Variants in DLEC1 observed in about 807,000 individuals in gnomAD.
DLEC1 encodes the protein deleted in lung and esophageal cancer protein 1.
In DLEC1, 146 loss-of-function variants were observed where a neutral mutation model predicts 198.1. The observed-to-expected ratio is 0.74, with a 90% CI of 0.64 to 0.85. The LOEUF (loss-of-function observed/expected upper bound fraction) is 0.85, where lower values mean the gene tolerates loss of function less well. Ranked by LOEUF, DLEC1 falls within the 40% of genes least tolerant of loss-of-function variation. The pLI is 0.00. For missense variants in DLEC1, 2,233 were observed against 2,220.0 expected (o/e 1.01, Z -0.12); for synonymous variants, 897 against 866.8 (o/e 1.03, Z -0.61).
chr3:38,116,411 C>T, intron 27 of DLEC1, 42 bp from the exon 28 acceptor site: 3 of 1,608,960 alleles, frequency 1.9e-6, no homozygotes, highest in Non-Finnish European at 2.6e-6. Context: ...GGGTTGTCTG[C>T]TCCTCCCTTA....
chr3:38,052,459 G>C (rs1701168943), intron 2 of DLEC1: 1 of 208,586 alleles, frequency 4.8e-6, no homozygotes, highest in Non-Finnish European at 1.0e-5. Flanking sequence ...AAACGAAGAG[G>C]GAGCTGAAAC....
At chr3:38,066,114 A>G (rs1161924426) in intron 6 of DLEC1, among the ~76,000 whole-genome samples, 1 of 152,240 alleles carries the variant, frequency 6.6e-6, no homozygotes, top group African/African-American at 2.4e-5. Flanking sequence ...ATCAGGAGGA[A>G]GCATGGGATC....
Position 38,084,165 on chromosome 3 carries a change from T to C in DLEC1, c.1181T>C (p.Ile394Thr). The change falls in exon 7 of 37, where the codon ATT becomes ACT. Residue 394 changes from isoleucine (I) to threonine (T), a missense_variant. Ile to Thr is a moderately conservative substitution (Grantham distance 89). Transcript: ENST00000308059. ...YEIGPVYEMV[I>T]ALQNTTTTSR... ...CATCTTACCTTTCAACAGATGGTAA[T>C]TGCGCTGCAGAACACCACCACGACC... The C allele has an allele frequency of 3.1e-6, 5 of 1,612,972 alleles. No homozygotes were observed. Among genetic ancestry groups the C allele is most frequent in the Non-Finnish European group, 3.4e-6 (4 of 1,179,158 alleles).
chr3:38,100,871 A>G (rs144282989), intron 19 of DLEC1, among the ~76,000 whole-genome samples: 44 of 152,334 alleles, frequency 2.9e-4, no homozygotes, highest in African/African-American at 9.1e-4. Context: ...AAAGTGTGAC[A>G]TATTTAAATA....
chr3:38,097,316 G>T (rs751561802), intron 16 of DLEC1, 41 bp downstream of exon 16: 2 of 1,553,792 alleles, frequency 1.3e-6, no homozygotes, highest in African/African-American at 2.7e-5. Context: ...CCTGCCTGGG[G>T]CTGGCTCAGG....
intron 31 of DLEC1, 78 bp from the exon 32 acceptor site, chr3:38,117,449 A>C: frequency 6.2e-7 from 1 of 1,606,560 alleles, no homozygotes; most frequent in Non-Finnish European, 8.5e-7. Flanking sequence ...GGCTGGCCCG[A>C]GGCTGGATGA....
At chr3:38,114,905 C>G in intron 26 of DLEC1, 78 bp from the exon 27 acceptor site, 1 of 1,334,832 alleles carries the variant, frequency 7.5e-7, no homozygotes, top group South Asian at 1.3e-5. Context: ...TGCCTGAGCC[C>G]CCAGTCCCAG....
At chr3:38,043,406 A>G (rs1700743925) in intron 1 of DLEC1, among the ~76,000 whole-genome samples, 1 of 152,192 alleles carries the variant, frequency 6.6e-6, no homozygotes, top group African/African-American at 2.4e-5. Flanking sequence ...AGGGTCAGAG[A>G]TTGTCAGCAG....
intron 3 of DLEC1, among the ~76,000 whole-genome samples, chr3:38,060,417 C>T (rs1696617727): frequency 6.6e-6 from 1 of 151,982 alleles, no homozygotes; most frequent in Admixed American, 6.6e-5. Flanking sequence ...GAAGAGTCCA[C>T]ACGTGGACAG....
chr3:38,105,713 C>T (rs1699534062), intron 19 of DLEC1, among the ~76,000 whole-genome samples: 1 of 151,952 alleles, frequency 6.6e-6, no homozygotes, highest in African/African-American at 2.4e-5. Context: ...TTTTAAAATC[C>T]ATTTTGCTAA....
intron 18 of DLEC1, among the ~76,000 whole-genome samples, chr3:38,099,194 A>G (rs1055446502): frequency 6.6e-6 from 1 of 152,000 alleles, no homozygotes; most frequent in Non-Finnish European, 1.5e-5. Flanking sequence ...CTGCACTTCT[A>G]GGGATTTCCT....
chr3:38,114,330 G>A lies in DLEC1; in HGVS notation c.3667-12G>A, dbSNP rs1169980788. 5 of 1,613,476 alleles carry A rather than the reference G, an allele frequency of 3.1e-6. No homozygotes were observed. The highest frequency in any genetic ancestry group is 1.3e-5 in the African/African-American group (1 of 74,896). ...GTGACAGGAGTGACAAAGGGCTGGG[G>A]TGTGTTTGCAGGTGGGAGACCTGCT... is the stretch of plus-strand genomic sequence containing the variant. On this transcript the variant is annotated splice_polypyrimidine_tract_variant and intron_variant, in intron 25 of 36. Coordinates refer to ENST00000308059, the MANE Select transcript of DLEC1 (RefSeq NM_007335.4).
Position 38,110,147 on chromosome 3 carries a change from C to T in DLEC1, c.3309C>T (p.Gly1103=), listed in dbSNP as rs1457197689. 6.2e-7 allele frequency: 1 copy of T among 1,614,174 alleles called. No homozygotes were observed. The change falls in exon 23 of 37, where the codon GGC becomes GGT. Residue 1103 remains glycine, a synonymous_variant. Transcript: ENST00000308059. ...CAAAGGAGCTCCGCCTGGACTTTGG[C>T]TCAGCGGTGCCACTGAGGACCCGTG... The part of the protein sequence containing the change: ...GHPKELRLDF[G]SAVPLRTRVT...
Position 38,100,257 on chromosome 3 carries a change from C to T in DLEC1, c.2725-29C>T, listed in dbSNP as rs1254008794. ...TCTGCAATTCCAAGTGTCCTCAGTGCTCATCCTCCTGAGTGTTCTCCGGGG... is the reference window on the plus strand; with the variant it reads ...TCTGCAATTCCAAGTGTCCTCAGTGTTCATCCTCCTGAGTGTTCTCCGGGG... On this transcript the variant is annotated intron_variant, in intron 18 of 36. Coordinates refer to ENST00000308059, the MANE Select transcript of DLEC1 (RefSeq NM_007335.4). 4.4e-6 allele frequency: 7 copies of T among 1,589,842 alleles called. No individual in the cohort carries two copies. The South Asian group carries it at 6.8e-5, about 16-fold the overall frequency.
rs1271356253 is a variant in DLEC1, at chr3:38,084,037, G to GT, written c.1174-120dup. 3 of 877,930 alleles carry GT rather than the reference G, an allele frequency of 3.4e-6. No individual in the cohort carries two copies. In the African/African-American group the frequency reaches 5.1e-5, roughly 15 times the overall value. The allele number at this position is 877,930 out of a possible 1,614,324, so 54.4% of individuals were successfully genotyped here. A position where few individuals can be genotyped will look rare whatever the true frequency, so the allele number is the denominator to read the frequency against. ...AGCCAGCTTCGACAGTTACCAACAT[G>GT]TGGCCAAGCCTATTTCATTTCTACC... On this transcript the variant is annotated intron_variant, in intron 6 of 36. Transcript: ENST00000308059.
At chr3:38,093,957 TA>T (rs1328061623) in intron 12 of DLEC1, among the ~76,000 whole-genome samples, 190 bp downstream of exon 12, 3 of 152,204 alleles carry the variant, frequency 2.0e-5, no homozygotes, top group African/African-American at 7.2e-5. Flanking sequence ...CTTGGCTACT[TA>T]AATTTAAATC....
At chr3:38,063,397 G>C (rs774889912) in intron 5 of DLEC1, among the ~76,000 whole-genome samples, 18 of 152,142 alleles carry the variant, frequency 1.2e-4, no homozygotes, top group Non-Finnish European at 2.4e-4. Context: ...CAGGGGTGTC[G>C]AGGCTGCAGT....
Position 38,112,480 on chromosome 3 carries a change from C to A in DLEC1, c.3666+119C>A, listed in dbSNP as rs1358990749. 1 of 1,441,676 alleles carries A rather than the reference C, an allele frequency of 6.9e-7. No individual in the cohort carries two copies. The highest frequency in any genetic ancestry group is 9.5e-7 in the Non-Finnish European group (1 of 1,056,362). The allele number at this position is 1,441,676 out of a possible 1,614,324, so 89.3% of individuals were successfully genotyped here. A position where few individuals can be genotyped will look rare whatever the true frequency, so the allele number is the denominator to read the frequency against. ...ACTCTCAAACCTCACCAGGTTGAAA[C>A]GCGATGCCCACCGAGCTTGGGATGG... is the stretch of plus-strand genomic sequence containing the variant. On this transcript the variant is annotated intron_variant, in intron 25 of 36. Transcript: ENST00000308059. The surrounding 1 kb of genome is among the most constrained non-coding windows in gnomAD (Gnocchi z 4.8).
chr3:38,092,975 T>A (rs900462076), intron 11 of DLEC1, 95 bp downstream of exon 11: 1 of 1,178,380 alleles, frequency 8.5e-7, no homozygotes, highest in Non-Finnish European at 1.3e-6. Context: ...GCCCACCTGT[T>A]TCCTGTGTGT....
Sources: gnomAD v4.1 joint callset for allele counts (sites outside exome capture counted in the v4.1 genomes callset) on GRCh38, gnomAD v4.1.1 for gene constraint, Gnocchi (gnomAD v3.1) non-coding constraint, MANE v1.5 for transcripts, NCBI Gene and HGNC (gene_info 2026-07-23, HGNC 2026-07-21) for gene names.